The following NSG1 variants were observed in gnomAD, a reference collection of about 807,000 sequenced individuals.
The protein encoded by NSG1 is neuronal vesicle trafficking associated 1, also known as neuronal vesicle trafficking-associated protein 1.
In NSG1, 9 loss-of-function variants were observed where a neutral mutation model predicts 19.3. The observed-to-expected ratio is 0.47, with a 90% CI of 0.28 to 0.81. The LOEUF is 0.81. Ranked by LOEUF, NSG1 falls within the 40% of genes least tolerant of loss-of-function variation. The probability of loss-of-function intolerance (pLI) is 0.11; values close to 1 mark genes in which losing one functional copy is unlikely to be tolerated. For missense variants in NSG1, 236 were observed against 242.4 expected, an observed-to-expected ratio of 0.97 and a Z score of 0.18; for synonymous variants, 104 against 107.0, an observed-to-expected ratio of 0.97 and a Z score of 0.17.
intron 3 of NSG1, among the ~76,000 whole-genome samples, chr4:4,401,878 G>A (rs1399282222): frequency 6.6e-6 from 1 of 152,000 alleles, no homozygotes; most frequent in Non-Finnish European, 1.5e-5. Context: ...ACCAGTGTCA[G>A]TATGATGATG....
At chr4:4,394,188 TG>T (rs750540883) in intron 3 of NSG1, among the ~76,000 whole-genome samples, 38 of 152,144 alleles carry the variant, frequency 2.5e-4, no homozygotes, top group Non-Finnish European at 4.7e-4. Context: ...TGGGTTTGTG[TG>T]GGAGCACTCA....
At chr4:4,391,630 C>T in intron 3 of NSG1, 39 bp downstream of exon 3, 1 of 1,402,100 alleles carries the variant, frequency 7.1e-7, no homozygotes, top group Non-Finnish European at 9.9e-7. Context: ...TGCTTTTGCC[C>T]CCAGAAGGGG....
At chr4:4,413,482 C>T (rs1186790756) in intron 4 of NSG1, among the ~76,000 whole-genome samples, 1 of 150,922 alleles carries the variant, frequency 6.6e-6, no homozygotes, top group Non-Finnish European at 1.5e-5. Context: ...CAGGGCTTTA[C>T]AACAAGCAGA....
rs1577280600 is a variant in NSG1, at chr4:4,392,952, G to A, written c.246+1361G>A. On this transcript the variant is annotated intron_variant, in intron 3 of 4. Transcript: ENST00000621129. Reference sequence around the variant, plus strand: ...CGTACGTTTTTGAGGTTCTTGGCCAGGACCAAGACATACTGATCCGAGGTC... The same window carrying A: ...CGTACGTTTTTGAGGTTCTTGGCCAAGACCAAGACATACTGATCCGAGGTC... Among the ~76,000 whole-genome samples the A allele has an allele frequency of 2.0e-5, 3 of 152,230 alleles. No homozygotes were observed. In the South Asian group the frequency reaches 6.2e-4, roughly 32 times the overall value.
intron 3 of NSG1, among the ~76,000 whole-genome samples, chr4:4,397,798 T>C (rs1382442246): frequency 6.6e-6 from 1 of 152,154 alleles, no homozygotes. Context: ...CAGATCCTGT[T>C]TGTATTTCTC....
chr4:4,404,753 A>G (rs1377265921), intron 3 of NSG1, among the ~76,000 whole-genome samples: 1 of 152,158 alleles, frequency 6.6e-6, no homozygotes, highest in Admixed American at 6.5e-5. Context: ...AAGTCTCCAA[A>G]CTGTGACACT....
At chr4:4,387,799 C>T (rs754459131) in intron 2 of NSG1, 41 bp downstream of exon 2, 2 of 1,512,690 alleles carry the variant, frequency 1.3e-6, no homozygotes, top group Non-Finnish European at 1.8e-6. Context: ...GGGTGTGCAC[C>T]CCCAAATCTC....
At position 4,418,147 on chromosome 4, in the gene NSG1, G is replaced by A. The variant is rs1401438175; in HGVS notation, c.*712G>A. ...GTGTGTAGACTGGCAGAGCATGTGAGGGAGAGGGCTGGGAAGAGACGGCCC... is the reference window on the plus strand; with the variant it reads ...GTGTGTAGACTGGCAGAGCATGTGAAGGAGAGGGCTGGGAAGAGACGGCCC... On this transcript the variant is annotated 3_prime_UTR_variant, in exon 5 of 5. Coordinates refer to ENST00000621129, the MANE Select transcript of NSG1 (RefSeq NM_014392.5). The A allele has an allele frequency of 2.6e-5, 4 of 153,040 alleles. No individual in the cohort carries two copies. The highest frequency in any genetic ancestry group is 1.9e-4 in the East Asian group (1 of 5,198). 9.5% of individuals were successfully genotyped at this position (153,040 alleles called of 1,614,324 possible). A position where few individuals can be genotyped will look rare whatever the true frequency, so the allele number is the denominator to read the frequency against.
chr4:4,400,154 G>A (rs1723472559), intron 3 of NSG1, among the ~76,000 whole-genome samples: 1 of 152,186 alleles, frequency 6.6e-6, no homozygotes, highest in African/African-American at 2.4e-5. Context: ...TTTATATATG[G>A]TATGAGGTAA....
At chr4:4,400,834 T>G (rs1346821892) in intron 3 of NSG1, among the ~76,000 whole-genome samples, 1 of 152,256 alleles carries the variant, frequency 6.6e-6, no homozygotes, top group African/African-American at 2.4e-5. Flanking sequence ...TCTTGTTCAG[T>G]GTGTTAATAA....
At chr4:4,400,220 C>T (rs1219304699) in intron 3 of NSG1, among the ~76,000 whole-genome samples, 1 of 152,194 alleles carries the variant, frequency 6.6e-6, no homozygotes, top group Non-Finnish European at 1.5e-5. Flanking sequence ...ACTGTTCTTT[C>T]CTTATTGAAT....
At chr4:4,409,755 C>A in intron 4 of NSG1, 72 bp downstream of exon 4, 4 of 1,216,374 alleles carry the variant, frequency 3.3e-6, no homozygotes, top group African/African-American at 1.5e-5. Flanking sequence ...GAACTCAAGG[C>A]TGCTCCTGCC....
intron 3 of NSG1, among the ~76,000 whole-genome samples, chr4:4,402,371 ATTTTTTTTTTTTTTTTTTT>A (rs1161754574): frequency 1.7e-4 from 9 of 53,952 alleles, no homozygotes; most frequent in East Asian, 7.1e-4. Flanking sequence ...ACGCCTGGTT[ATTTTTTTTTTTTTTTTTTT>A]TTTTTTTTTT....
At chr4:4,414,569 T>C (rs1294641472) in intron 4 of NSG1, among the ~76,000 whole-genome samples, 1 of 152,204 alleles carries the variant, frequency 6.6e-6, no homozygotes, top group East Asian at 1.9e-4. Flanking sequence ...TTTGTGCGTG[T>C]GTTTGTCACA....
chr4:4,393,774 G>A (rs1723111132), intron 3 of NSG1, among the ~76,000 whole-genome samples: 1 of 152,122 alleles, frequency 6.6e-6, no homozygotes, highest in South Asian at 2.1e-4. Context: ...TAGCTTCAAA[G>A]CCAAGGCCTT....
At chr4:4,391,955 C>A (rs1251730547) in intron 3 of NSG1, among the ~76,000 whole-genome samples, 2 of 152,218 alleles carry the variant, frequency 1.3e-5, no homozygotes, top group Admixed American at 6.5e-5. Flanking sequence ...AGATAACGCA[C>A]AGCACTGATC....
intron 3 of NSG1, among the ~76,000 whole-genome samples, chr4:4,396,041 C>T (rs1235215184): frequency 6.6e-6 from 1 of 152,206 alleles, no homozygotes; most frequent in Non-Finnish European, 1.5e-5. Context: ...GGCAGGAGGA[C>T]TCCCCCAGCG....
chr4:4,388,495 T>A (rs886293028), intron 2 of NSG1, among the ~76,000 whole-genome samples: 1 of 152,208 alleles, frequency 6.6e-6, no homozygotes, highest in African/African-American at 2.4e-5. Context: ...TTTCCAAGAG[T>A]TAACACTTAA....
At chr4:4,412,880 A>G (rs1354797397) in intron 4 of NSG1, among the ~76,000 whole-genome samples, 1 of 152,170 alleles carries the variant, frequency 6.6e-6, no homozygotes, top group African/African-American at 2.4e-5. Context: ...GGCAGCTGTC[A>G]CTGGGTAGCT....
Sources: gnomAD v4.1 joint callset for allele counts (sites outside exome capture counted in the v4.1 genomes callset) on GRCh38, gnomAD v4.1.1 for gene constraint, MANE v1.5 for transcripts, NCBI Gene and HGNC (gene_info 2026-07-23, HGNC 2026-07-21) for gene names.